The following MTMR10 variants were observed in gnomAD, a reference collection of about 807,000 sequenced individuals.
MTMR10 encodes the protein myotubularin related protein 10.
In MTMR10, 56 loss-of-function variants were observed where a neutral mutation model predicts 88.1. The ratio of observed to expected loss-of-function variants is 0.64; its 90% confidence interval spans 0.51 to 0.79. The LOEUF (loss-of-function observed/expected upper bound fraction) is 0.79, where lower values mean the gene tolerates loss of function less well. Among genes scored for constraint, MTMR10 ranks in the 30% least tolerant of loss-of-function variants. The pLI, the probability that MTMR10 is intolerant of heterozygous loss-of-function variation, is 0.00. For missense variants in MTMR10, 883 were observed against 924.7 expected (o/e 0.95, Z 0.58); for synonymous variants, 380 against 340.9 (o/e 1.11, Z -1.26).
chr15:30,936,692 A>C, downstream of MTMR10, among the ~76,000 whole-genome samples: 1 of 152,202 alleles, frequency 6.6e-6, no homozygotes, highest in Non-Finnish European at 1.5e-5. Flanking sequence ...TATTTATCCC[A>C]CCAAACCTCA....
At chr15:30,969,815 G>T (rs757971788) in intron 5 of MTMR10, among the ~76,000 whole-genome samples, 2 of 152,042 alleles carry the variant, frequency 1.3e-5, no homozygotes, top group Non-Finnish European at 2.9e-5. Flanking sequence ...AGAAAAACAG[G>T]TTTGAACACA....
chr15:30,945,720 T>C (rs1410384464), intron 14 of MTMR10, among the ~76,000 whole-genome samples: 2 of 152,142 alleles, frequency 1.3e-5, no homozygotes, highest in Non-Finnish European at 2.9e-5. Context: ...CAAATGAGCG[T>C]TCCATGCCTC....
intron 1 of MTMR10, 32 bp downstream of exon 1, chr15:30,991,415 G>C (rs2031321063): frequency 6.8e-7 from 1 of 1,463,108 alleles, no homozygotes; most frequent in Admixed American, 2.9e-5. Context: ...GCGCAGAGGA[G>C]AGTCGGGCGC....
intron 2 of MTMR10, 72 bp from the exon 3 acceptor site, chr15:30,977,027 G>C: frequency 1.0e-5 from 15 of 1,466,562 alleles, no homozygotes; most frequent in Non-Finnish European, 1.3e-5. Flanking sequence ...GACCTAGAAG[G>C]AGTGTTTCAT....
intron 14 of MTMR10, among the ~76,000 whole-genome samples, chr15:30,945,619 A>G (rs1331845944): frequency 6.6e-6 from 1 of 152,196 alleles, no homozygotes; most frequent in Non-Finnish European, 1.5e-5. Flanking sequence ...GGCCAGGGGG[A>G]AAGCCTAGCT....
intron 6 of MTMR10, among the ~76,000 whole-genome samples, chr15:30,964,893 T>C (rs2063455076): frequency 6.6e-6 from 1 of 152,170 alleles, no homozygotes; most frequent in Admixed American, 6.5e-5. Context: ...CCAATTGATA[T>C]CTAGAATGGC....
intron 2 of MTMR10, among the ~76,000 whole-genome samples, chr15:30,979,776 G>A (rs2030430791): frequency 1.3e-5 from 2 of 152,196 alleles, no homozygotes; most frequent in African/African-American, 2.4e-5. Context: ...GAATGTTAAC[G>A]TATCAAGCCT....
chr15:30,983,395 TAAG>T (rs1199292657), intron 2 of MTMR10, among the ~76,000 whole-genome samples: 1 of 152,190 alleles, frequency 6.6e-6, no homozygotes, highest in East Asian at 1.9e-4. Flanking sequence ...TAAATATAAA[TAAG>T]AAGGGAAATG....
intron 5 of MTMR10, among the ~76,000 whole-genome samples, chr15:30,973,346 T>C (rs895291385): frequency 2.0e-5 from 3 of 152,032 alleles, no homozygotes; most frequent in African/African-American, 7.2e-5. Flanking sequence ...TTTTCATATA[T>C]TCATCTCCTG....
chr15:30,983,116 G>A (rs1438673040), intron 2 of MTMR10, among the ~76,000 whole-genome samples: 3 of 152,144 alleles, frequency 2.0e-5, no homozygotes, highest in Non-Finnish European at 2.9e-5. Flanking sequence ...TGCTAGAGAC[G>A]GCTGGCTGGC....
chr15:30,948,863 C>T, intron 12 of MTMR10: 1 of 196,796 alleles, frequency 5.1e-6, no homozygotes, highest in Non-Finnish European at 1.0e-5. Context: ...GAGAGTGGGA[C>T]TGTTCACTAC....
chr15:30,980,937 C>T (rs1401775880), intron 2 of MTMR10, among the ~76,000 whole-genome samples: 1 of 152,018 alleles, frequency 6.6e-6, no homozygotes, highest in Non-Finnish European at 1.5e-5. Flanking sequence ...AAATAAATGG[C>T]GGAGAAGAGA....
At chr15:30,954,695 T>G (rs1230940800) in intron 10 of MTMR10, 68 bp downstream of exon 10, 1 of 1,389,946 alleles carries the variant, frequency 7.2e-7, no homozygotes, top group South Asian at 1.6e-5. Context: ...AGAACATCAC[T>G]TTTCCTGACA....
chr15:30,960,629 C>T (rs1351874039), intron 7 of MTMR10, among the ~76,000 whole-genome samples: 1 of 152,084 alleles, frequency 6.6e-6, no homozygotes, highest in Non-Finnish European at 1.5e-5. Context: ...TGTAAAACAC[C>T]AGTTACAAGA....
At chr15:30,977,834 T>C (rs756605073) in intron 2 of MTMR10, among the ~76,000 whole-genome samples, 33 of 152,356 alleles carry the variant, frequency 2.2e-4, no homozygotes, top group Middle Eastern at 3.4e-3. Flanking sequence ...AAATAGGTTA[T>C]AACAAATTTG....
At chr15:30,981,816 T>C (rs1242213943) in intron 2 of MTMR10, among the ~76,000 whole-genome samples, 1 of 152,192 alleles carries the variant, frequency 6.6e-6, no homozygotes, top group Admixed American at 6.5e-5. Flanking sequence ...ATGCCTGTAA[T>C]CTTAGCACTT....
intron 14 of MTMR10, chr15:30,943,583 CAG>C (rs2063119627): frequency 1.0e-6 from 1 of 985,254 alleles, no homozygotes; most frequent in African/African-American, 1.7e-5. Flanking sequence ...ACCACAGACT[CAG>C]GGTAGGAAGG....
At chr15:30,926,045 C>G in the MTMR10 span, 2 of 1,157,452 alleles carry the variant, frequency 1.7e-6, no homozygotes, top group African/African-American at 1.5e-5. Context: ...GTCCTCTGCT[C>G]ACAGTGGAAG....
At chr15:30,943,950 CAA>C (rs2063127123) in intron 14 of MTMR10, 15 of 985,280 alleles carry the variant, frequency 1.5e-5, no homozygotes, top group African/African-American at 1.7e-5. Context: ...ACTCCAGACA[CAA>C]AGTCGCTGGA....
Sources: gnomAD v4.1 joint callset for allele counts (sites outside exome capture counted in the v4.1 genomes callset) on GRCh38, gnomAD v4.1.1 for gene constraint, MANE v1.5 for transcripts, NCBI Gene and HGNC (gene_info 2026-07-23, HGNC 2026-07-21) for gene names.